Variants in CDH12 observed in about 807,000 individuals in gnomAD.
CDH12 encodes cadherin-12.
Under a neutral mutation model 74.1 loss-of-function variants are expected in CDH12, and 41 were observed. The ratio of observed to expected loss-of-function variants is 0.55; its 90% CI spans 0.43 to 0.72. The LOEUF is 0.72. Among genes scored for constraint, CDH12 ranks in the 30% least tolerant of loss-of-function variants. The probability of loss-of-function intolerance (pLI) is 0.00; values close to 1 mark genes in which losing one functional copy is unlikely to be tolerated. For synonymous variants in CDH12, 399 were observed against 355.0 expected (o/e 1.12, Z -1.39); for missense variants, 945 against 977.2 (o/e 0.97, Z 0.44).
chr5:21,889,774 T>C (rs1561276896), intron 6 of CDH12: 4 of 984,600 alleles, frequency 4.1e-6, no homozygotes, highest in African/African-American at 1.7e-5. Flanking sequence ...GAAGTAACCA[T>C]GTCCATAAAA....
chr5:22,060,060 G>C (rs975241414), intron 5 of CDH12, among the ~76,000 whole-genome samples: 5 of 152,088 alleles, frequency 3.3e-5, no homozygotes, highest in African/African-American at 4.8e-5. Flanking sequence ...CATATAATTA[G>C]TGTCAACAAG....
At chr5:22,639,194 A>T (rs186872792) in intron 1 of CDH12, among the ~76,000 whole-genome samples, 306 of 151,876 alleles carry the variant, frequency 2.0e-3, no homozygotes, top group African/African-American at 7.0e-3. Flanking sequence ...TGAGGATAGC[A>T]TGAAGCAAAT....
At chr5:22,049,546 C>T (rs1740204306) in intron 5 of CDH12, among the ~76,000 whole-genome samples, 1 of 152,078 alleles carries the variant, frequency 6.6e-6, no homozygotes, top group Admixed American at 6.6e-5. Context: ...CTATTCTCTC[C>T]CTGTTAATAC....
At chr5:21,938,255 T>C (rs1443596062) in intron 6 of CDH12, among the ~76,000 whole-genome samples, 2 of 152,052 alleles carry the variant, frequency 1.3e-5, no homozygotes, top group Non-Finnish European at 2.9e-5. Flanking sequence ...TTTGTATAAG[T>C]TGAGGTTAAT....
At chr5:22,721,655 A>C (rs560406775) in intron 1 of CDH12, among the ~76,000 whole-genome samples, 2 of 152,228 alleles carry the variant, frequency 1.3e-5, no homozygotes, top group African/African-American at 4.8e-5. Flanking sequence ...CCAGGGACAG[A>C]ATGATATGGT....
Position 21,751,681 on chromosome 5 carries a change from CT to C in CDH12, c.*55del. On this transcript the variant is annotated 3_prime_UTR_variant, in exon 15 of 15. Coordinates refer to ENST00000382254, the MANE Select transcript of CDH12 (RefSeq NM_004061.5). ...GAGATTTCTATTAATATTTGTGTTTCTTTTTCTTTTTTAAAAATCTCCCCTC... is the reference window on the plus strand; with the variant it reads ...GAGATTTCTATTAATATTTGTGTTTCTTTTCTTTTTTAAAAATCTCCCCTC... 7.1e-7 allele frequency: 1 copy of C among 1,411,860 alleles called. No individual in the cohort carries two copies. The highest frequency in any genetic ancestry group is 9.6e-7 in the Non-Finnish European group (1 of 1,037,198). 87.5% of individuals were successfully genotyped at this position (1,411,860 alleles called of 1,614,324 possible).
chr5:21,877,385 G>C (rs921455260), intron 6 of CDH12, among the ~76,000 whole-genome samples: 1 of 152,068 alleles, frequency 6.6e-6, no homozygotes, highest in South Asian at 2.1e-4. Flanking sequence ...TTAACATCTA[G>C]AGAGTATTAC....
At chr5:22,809,383 T>C (rs1467982206) in intron 1 of CDH12, among the ~76,000 whole-genome samples, 2 of 151,652 alleles carry the variant, frequency 1.3e-5, no homozygotes, top group Non-Finnish European at 2.9e-5. Context: ...TAATCCTATA[T>C]AAAATATAAA....
intron 3 of CDH12, among the ~76,000 whole-genome samples, chr5:22,269,569 C>T (rs533540842): frequency 3.9e-5 from 6 of 152,194 alleles, no homozygotes; most frequent in African/African-American, 1.2e-4. Context: ...ACACCATGTC[C>T]AAACTAATGT....
rs1473138143 is a variant in CDH12 at position 22,063,861 on chromosome 5, G to A, written c.231+14585C>T. Among the ~76,000 whole-genome samples, 3 of 152,136 alleles carry A rather than the reference G, an allele frequency of 2.0e-5. No individual in the cohort carries two copies. In the East Asian group the frequency reaches 5.8e-4, roughly 29 times the overall value. ...GCCAGCGTACTGCCTTTGGGGTTTG[G>A]AACTCTCTCTGAGTTTCCAGCCTGA... On this transcript the variant is annotated intron_variant, in intron 5 of 14. Transcript: ENST00000382254.
chr5:22,368,609 T>C (rs1157691915), intron 3 of CDH12, among the ~76,000 whole-genome samples: 1 of 152,166 alleles, frequency 6.6e-6, no homozygotes, highest in Non-Finnish European at 1.5e-5. Context: ...TAAATATGTA[T>C]TTAGTTTTAA....
At chr5:22,041,165 C>T (rs191187588) in intron 5 of CDH12, among the ~76,000 whole-genome samples, 1 of 151,762 alleles carries the variant, frequency 6.6e-6, no homozygotes, top group African/African-American at 2.4e-5. Context: ...TCATGGAAAC[C>T]ACAAAACACA....
intron 5 of CDH12, among the ~76,000 whole-genome samples, chr5:22,046,215 A>C (rs1423012406): frequency 6.6e-6 from 1 of 152,182 alleles, no homozygotes; most frequent in Admixed American, 6.5e-5. Flanking sequence ...AAAAACTGAC[A>C]AGATTTAGAA....
At chr5:21,907,950 T>C (rs1753711876) in intron 6 of CDH12, among the ~76,000 whole-genome samples, 1 of 152,166 alleles carries the variant, frequency 6.6e-6, no homozygotes, top group African/African-American at 2.4e-5. Flanking sequence ...CTCAGAAGAA[T>C]GCCCAGTACA....
At chr5:21,755,872 G>T (rs949666929) in intron 13 of CDH12, 30 bp from the exon 14 acceptor site, 1 of 1,610,900 alleles carries the variant, frequency 6.2e-7, no homozygotes, top group South Asian at 1.1e-5. Context: ...TGGTAACATG[G>T]TTACTATAAG....
At chr5:22,236,503 T>C (rs6452070) in intron 3 of CDH12, among the ~76,000 whole-genome samples, 134,144 of 152,056 alleles carry the variant, frequency 0.88, 59,377 homozygotes, top group South Asian at 0.92. Flanking sequence ...GAGGCCGAGG[T>C]GGGCAGATCA....
intron 5 of CDH12, among the ~76,000 whole-genome samples, chr5:21,992,070 TGA>T (rs1255776004): frequency 6.6e-6 from 1 of 152,046 alleles, no homozygotes; most frequent in African/African-American, 2.4e-5. Context: ...TACAGGTTAG[TGA>T]GAGATCATTT....
At chr5:22,138,227 T>C (rs1387467751) in intron 4 of CDH12, among the ~76,000 whole-genome samples, 2 of 152,034 alleles carry the variant, frequency 1.3e-5, no homozygotes, top group Non-Finnish European at 2.9e-5. Flanking sequence ...TGTATTTTAG[T>C]GTTGCAGCTT....
chr5:22,694,530 T>G (rs988348484), intron 1 of CDH12, among the ~76,000 whole-genome samples: 8 of 152,142 alleles, frequency 5.3e-5, no homozygotes, highest in Admixed American at 6.5e-5. Context: ...TAGGCCACAT[T>G]TGTTATGTGA....
Sources: allele counts gnomAD v4.1 joint callset (sites outside exome capture counted in the v4.1 genomes callset), GRCh38; gene constraint gnomAD v4.1.1; transcripts MANE v1.5; gene names NCBI Gene and HGNC (gene_info 2026-07-23, HGNC 2026-07-21).